Variants in NCAPG2 observed in about 807,000 individuals in gnomAD.
The protein encoded by NCAPG2 is non-SMC condensin II complex subunit G2.
NCAPG2 carries 53 observed loss-of-function variants against 141.1 expected under a neutral mutation model. That is an observed-to-expected ratio of 0.38 (90% CI 0.30 to 0.47). The LOEUF (loss-of-function observed/expected upper bound fraction) is 0.47. NCAPG2 is among the 20% of genes least tolerant of loss of function. NCAPG2 has a pLI of 0.99. For synonymous variants in NCAPG2, 499 were observed against 490.7 expected (o/e 1.02, Z -0.22); for missense variants, 1,087 against 1,389.0 (o/e 0.78, Z 3.46).
At chr7:158,678,732 TA>T (rs34490108) in intron 11 of NCAPG2, among the ~76,000 whole-genome samples, 26,080 of 145,596 alleles carry the variant, frequency 0.18, 2,411 homozygotes, top group South Asian at 0.35. Flanking sequence ...AAGGAATCTT[TA>T]AAAAAAAAAA....
intron 2 of NCAPG2, among the ~76,000 whole-genome samples, chr7:158,699,648 G>C (rs1452431778): frequency 6.6e-6 from 1 of 152,116 alleles, no homozygotes; most frequent in Non-Finnish European, 1.5e-5. Context: ...ATTCCCCTCT[G>C]CCTTGCTTGC....
At position 158,660,935 on chromosome 7, in the gene NCAPG2, T is replaced by G. The variant is rs1337994399; in HGVS notation, c.1989+1259A>C. Among the ~76,000 whole-genome samples, 7 of 152,150 alleles carry G rather than the reference T, an allele frequency of 4.6e-5. No homozygotes were observed. The East Asian group carries it at 1.3e-3, about 29-fold the overall frequency. ...GTTTCCCTTTGTGCTTGGCTCTCATTTTCTCTCTGCCTGCCACCATGTAAG... is the reference window on the plus strand; with the variant it reads ...GTTTCCCTTTGTGCTTGGCTCTCATGTTCTCTCTGCCTGCCACCATGTAAG... On this transcript the variant is annotated intron_variant, in intron 16 of 27. Transcript: ENST00000356309.
At chr7:158,678,990 C>T (rs114682329) in intron 11 of NCAPG2, among the ~76,000 whole-genome samples, 122 of 152,252 alleles carry the variant, frequency 8.0e-4, no homozygotes, top group African/African-American at 2.8e-3. Flanking sequence ...TGTGCCACCA[C>T]ACCGGGCTGT....
intron 2 of NCAPG2, among the ~76,000 whole-genome samples, chr7:158,701,547 C>T (rs773636365): frequency 6.6e-6 from 1 of 152,214 alleles, no homozygotes; most frequent in Non-Finnish European, 1.5e-5. Flanking sequence ...CACAACAAAC[C>T]TTCTCTAGTC....
chr7:158,687,518 G>A (rs900504628), intron 6 of NCAPG2, 76 bp from the exon 7 acceptor site: 38 of 1,074,762 alleles, frequency 3.5e-5, no homozygotes, highest in East Asian at 2.2e-4. Flanking sequence ...TTATTTGAAC[G>A]TCTAGTAAGC....
At chr7:158,638,897 G>A (rs945338180) in intron 27 of NCAPG2, among the ~76,000 whole-genome samples, 2 of 152,136 alleles carry the variant, frequency 1.3e-5, no homozygotes, top group African/African-American at 2.4e-5. Flanking sequence ...CACAGAGCCA[G>A]TCTCAGACGT....
chr7:158,672,499 C>T (rs1366754302), intron 12 of NCAPG2, among the ~76,000 whole-genome samples: 10 of 151,094 alleles, frequency 6.6e-5, no homozygotes, highest in African/African-American at 1.9e-4. Flanking sequence ...CCCGCCACCA[C>T]GCCTGGCTAA....
intron 23 of NCAPG2, 81 bp from the exon 24 acceptor site, chr7:158,651,053 A>G: frequency 2.9e-6 from 4 of 1,376,168 alleles, no homozygotes; most frequent in Non-Finnish European, 2.9e-6. Context: ...TAAAATAAGT[A>G]TTCTTACTAT....
chr7:158,699,040 T>C (rs1258994841), intron 2 of NCAPG2, among the ~76,000 whole-genome samples: 1 of 152,150 alleles, frequency 6.6e-6, no homozygotes, highest in African/African-American at 2.4e-5. Flanking sequence ...TGCCTCAGCC[T>C]CCCAAAGCTC....
At chr7:158,681,774 C>T (rs1834467158) in intron 9 of NCAPG2, among the ~76,000 whole-genome samples, 1 of 152,130 alleles carries the variant, frequency 6.6e-6, no homozygotes, top group African/African-American at 2.4e-5. Flanking sequence ...ACAAAATCTA[C>T]TGTTTTAAAG....
intron 12 of NCAPG2, among the ~76,000 whole-genome samples, chr7:158,674,679 G>A (rs1179501385): frequency 9.2e-5 from 14 of 152,256 alleles, no homozygotes; most frequent in Admixed American, 7.9e-4. Context: ...GGGCATGGCC[G>A]TGAGGCCCAA....
rs771417054 is a variant in NCAPG2 at position 158,671,776 on chromosome 7, C to G, written c.1327-110G>C. On this transcript the variant is annotated intron_variant, in intron 12 of 27. Transcript: ENST00000356309. ...TTCGGTTCCATCTTTATTAGAACTA[C>G]TAGTGAAATAAATATACCTATGGAA... The G allele has an allele frequency of 2.5e-5, 30 of 1,198,872 alleles. 1 individual carries two copies. Among genetic ancestry groups the G allele is most frequent in the Non-Finnish European group, 3.5e-5 (30 of 857,550 alleles). 74.3% of individuals were successfully genotyped at this position (1,198,872 alleles called of 1,614,324 possible).
rs186888334 is a variant in NCAPG2, at chr7:158,654,618, C to T, written c.2723G>A (p.Arg908Gln). Residue 908 changes from arginine (R) to glutamine (Q), a missense_variant, in exon 22 of 28, where the codon CGG becomes CAG. Coordinates refer to ENST00000356309, the MANE Select transcript of NCAPG2 (RefSeq NM_017760.7). Reference sequence around the variant, plus strand: ...ACCTGTTTGCATGATTCCAAGACTCCGCTGTAAGAGTTGCATCTGAAACTG... The same window carrying T: ...ACCTGTTTGCATGATTCCAAGACTCTGCTGTAAGAGTTGCATCTGAAACTG... ...DHQFQMQLLQ[R>Q]SLGIMQTVKG... is the part of the protein sequence containing the mutation. 7.4e-5 allele frequency: 119 copies of T among 1,613,958 alleles called. No homozygotes were observed. Among genetic ancestry groups the T allele is most frequent in the African/African-American group, 2.9e-4 (22 of 74,984 alleles).
At chr7:158,644,241 G>C (rs746173036) in intron 27 of NCAPG2, 48 bp downstream of exon 27, 1 of 1,463,356 alleles carries the variant, frequency 6.8e-7, no homozygotes, top group Non-Finnish European at 9.6e-7. Context: ...ATCCAAAGAA[G>C]AATGAGCAGT....
intron 13 of NCAPG2, among the ~76,000 whole-genome samples, chr7:158,670,630 T>C (rs1390662762): frequency 6.6e-6 from 1 of 152,184 alleles, no homozygotes; most frequent in Non-Finnish European, 1.5e-5. Context: ...ATCTGAGCAA[T>C]ATTTACTTAT....
At chr7:158,648,536 C>T (rs1431706385) in intron 24 of NCAPG2, among the ~76,000 whole-genome samples, 9 of 146,616 alleles carry the variant, frequency 6.1e-5, no homozygotes, top group African/African-American at 1.5e-4. Context: ...GCCAAATGGA[C>T]GACAACCACG....
Position 158,676,716 on chromosome 7 carries a change from A to G in NCAPG2, c.1147-1060T>C, listed in dbSNP as rs188076008. 2.2e-3 allele frequency among the ~76,000 whole-genome samples: 337 copies of G among 152,324 alleles called. 2 individuals carry two copies. Among genetic ancestry groups the G allele is most frequent in the Non-Finnish European group, 2.9e-3 (197 of 68,024 alleles). On this transcript the variant is annotated intron_variant, in intron 11 of 27. Transcript: ENST00000356309. The stretch of plus-strand genomic sequence containing the variant: ...TACTCCAGTCTCTTTTTTATTATGC[A>G]TGACATTTTCTATTAGAAACGTTGA...
At position 158,655,454 on chromosome 7, in the gene NCAPG2, G is replaced by A. The variant is rs561720977; in HGVS notation, c.2390C>T (p.Ala797Val). The A allele has an allele frequency of 4.3e-6, 7 of 1,613,596 alleles. No homozygotes were observed. In the South Asian group the frequency reaches 6.6e-5, roughly 15 times the overall value. Residue 797 changes from alanine to valine, a missense_variant and splice_region_variant, in exon 20 of 28, where the codon GCA (alanine) becomes GTA (valine). Transcript: ENST00000356309. The part of the protein sequence containing the change: ...HLLKALETSK[A>V]DLESLLQTPG... ...TGTCTGCAGAAGTGACTCCAGATCT[G>A]CCTGTAATAGAAAAAACCCAAGGGC...
At chr7:158,640,419 G>C (rs570327106) in intron 27 of NCAPG2, 1 of 152,280 alleles carries the variant, frequency 6.6e-6, no homozygotes, top group South Asian at 2.1e-4. Context: ...CTGTATACCA[G>C]CTACTCAGCA....
Sources: allele counts gnomAD v4.1 joint callset (sites outside exome capture counted in the v4.1 genomes callset), GRCh38; gene constraint gnomAD v4.1.1; transcripts MANE v1.5; gene names NCBI Gene and HGNC (gene_info 2026-07-23, HGNC 2026-07-21).